Variants in EVA1C observed in about 807,000 individuals in gnomAD.
EVA1C encodes the protein eva-1 homolog C.
A neutral mutation model predicts 45.4 loss-of-function variants in EVA1C; 25 were observed. The ratio of observed to expected loss-of-function variants is 0.55; its 90% CI spans 0.40 to 0.77. The LOEUF (loss-of-function observed/expected upper bound fraction) is 0.77, where lower values mean the gene tolerates loss of function less well. Ranked by LOEUF, EVA1C falls within the 30% of genes least tolerant of loss-of-function variation. EVA1C has a pLI of 0.00. For missense variants in EVA1C, 479 were observed against 554.8 expected, an observed-to-expected ratio of 0.86 and a Z score of 1.37; for synonymous variants, 190 against 221.2, an observed-to-expected ratio of 0.86 and a Z score of 1.25.
chr21:32,475,849 C>T lies in EVA1C; in HGVS notation c.634+8001C>T, dbSNP rs115365927. 3.6e-3 allele frequency among the ~76,000 whole-genome samples: 544 copies of T among 152,068 alleles called. 8 individuals carry two copies. The highest frequency in any genetic ancestry group is 0.012 in the African/African-American group (516 of 41,484). On this transcript the variant is annotated intron_variant, in intron 4 of 7. Transcript: ENST00000300255. Reference sequence around the variant, plus strand: ...CCAAAAGATGGCATGAGTATGTTTACAGTTCTTCACAGAGTTCTTTCTAAA... The same window carrying T: ...CCAAAAGATGGCATGAGTATGTTTATAGTTCTTCACAGAGTTCTTTCTAAA...
intron 5 of EVA1C, 147 bp downstream of exon 5, chr21:32,495,317 C>T (rs977525091): frequency 2.9e-6 from 2 of 701,242 alleles, no homozygotes. Flanking sequence ...CCCGAGAGCC[C>T]TTTTTTTCTT....
At chr21:32,455,780 G>A (rs936689304) in intron 2 of EVA1C, among the ~76,000 whole-genome samples, 1 of 152,214 alleles carries the variant, frequency 6.6e-6, no homozygotes, top group African/African-American at 2.4e-5. Flanking sequence ...CAGGCCGACA[G>A]GTTAGCATTT....
chr21:32,442,451 A>G (rs112624011), intron 1 of EVA1C, among the ~76,000 whole-genome samples: 4 of 152,044 alleles, frequency 2.6e-5, no homozygotes, highest in African/African-American at 9.6e-5. Flanking sequence ...CCTTTCCTGT[A>G]CCCTCAGGAC....
intron 4 of EVA1C, among the ~76,000 whole-genome samples, chr21:32,491,355 G>A (rs2037147110): frequency 6.6e-6 from 1 of 151,970 alleles, no homozygotes; most frequent in Non-Finnish European, 1.5e-5. Context: ...TCAGATGGGG[G>A]GTTGGGGATC....
At chr21:32,489,947 G>A (rs189893467) in intron 4 of EVA1C, among the ~76,000 whole-genome samples, 78 of 152,180 alleles carry the variant, frequency 5.1e-4, no homozygotes, top group African/African-American at 1.5e-3. Context: ...GATTACAGGC[G>A]TGTGCCACCG....
At chr21:32,427,716 G>GA (rs910209280) in intron 1 of EVA1C, among the ~76,000 whole-genome samples, 54 of 139,084 alleles carry the variant, frequency 3.9e-4, no homozygotes, top group East Asian at 6.5e-4. Context: ...CATCTCAGGG[G>GA]AAAAAAAAAA....
chr21:32,472,342 A>G (rs1335398630), intron 4 of EVA1C, among the ~76,000 whole-genome samples: 5 of 152,080 alleles, frequency 3.3e-5, no homozygotes, highest in Non-Finnish European at 7.3e-5. Flanking sequence ...TATTTTTAGT[A>G]GAGATGGGGT....
At chr21:32,453,952 TGG>T (rs911606403) in intron 2 of EVA1C, among the ~76,000 whole-genome samples, 1 of 152,172 alleles carries the variant, frequency 6.6e-6, no homozygotes, top group African/African-American at 2.4e-5. Context: ...CTCAAAGGGC[TGG>T]GCGCGGTGGC....
chr21:32,414,851 A>T (rs2033974092), intron 1 of EVA1C, among the ~76,000 whole-genome samples: 1 of 152,192 alleles, frequency 6.6e-6, no homozygotes, highest in Non-Finnish European at 1.5e-5. Context: ...AGATCTGAAG[A>T]TTAGGCAGAA....
chr21:32,486,904 ATTAT>A (rs945018054), intron 4 of EVA1C, among the ~76,000 whole-genome samples: 1 of 152,168 alleles, frequency 6.6e-6, no homozygotes, highest in Non-Finnish European at 1.5e-5. Flanking sequence ...AAATAACTGT[ATTAT>A]TTAGTTTTTT....
chr21:32,436,493 G>A (rs2034957193), intron 1 of EVA1C, among the ~76,000 whole-genome samples: 1 of 152,294 alleles, frequency 6.6e-6, no homozygotes, highest in Non-Finnish European at 1.5e-5. Context: ...CTTCTCCTAT[G>A]TCATCATTTC....
chr21:32,455,545 C>CA (rs1244464701), intron 2 of EVA1C, among the ~76,000 whole-genome samples: 1 of 152,150 alleles, frequency 6.6e-6, no homozygotes, highest in East Asian at 1.9e-4. Context: ...GACCCACCCC[C>CA]ATTTCTCAGC....
intron 1 of EVA1C, among the ~76,000 whole-genome samples, chr21:32,449,521 C>A (rs891404966): frequency 2.0e-5 from 3 of 152,170 alleles, no homozygotes; most frequent in Non-Finnish European, 4.4e-5. Flanking sequence ...TTTAAGGTTT[C>A]TCCATGTCTT....
chr21:32,438,478 C>A, intron 1 of EVA1C, among the ~76,000 whole-genome samples: 1 of 108,394 alleles, frequency 9.2e-6, no homozygotes. Context: ...CAGAGTGAGA[C>A]TCTGTCTCAA....
At chr21:32,420,977 G>C (rs1195518459) in intron 1 of EVA1C, among the ~76,000 whole-genome samples, 1 of 152,140 alleles carries the variant, frequency 6.6e-6, no homozygotes, top group Non-Finnish European at 1.5e-5. Flanking sequence ...TCTTTCCCAG[G>C]ACTTACATAA....
At chr21:32,434,884 T>C (rs2034875916) in intron 1 of EVA1C, among the ~76,000 whole-genome samples, 1 of 152,416 alleles carries the variant, frequency 6.6e-6, no homozygotes, top group East Asian at 1.9e-4. Context: ...TGTGGTACCT[T>C]GTTATAGCAG....
chr21:32,495,585 A>T (rs1018584630), intron 5 of EVA1C, among the ~76,000 whole-genome samples: 1 of 152,172 alleles, frequency 6.6e-6, no homozygotes, highest in Non-Finnish European at 1.5e-5. Flanking sequence ...GCCCTAAATG[A>T]CTAACTCTCT....
intron 1 of EVA1C, among the ~76,000 whole-genome samples, chr21:32,443,403 G>A (rs990874189): frequency 6.6e-6 from 1 of 152,122 alleles, no homozygotes; most frequent in African/African-American, 2.4e-5. Flanking sequence ...AGGCTTTGTG[G>A]CAAGGACCTG....
chr21:32,495,125 T>C lies in EVA1C; in HGVS notation c.733T>C (p.Cys245Arg). The stretch of plus-strand genomic sequence containing the variant: ...CAACAATCACCATTTTGGAAGCCCC[T>C]GTTTGCCAGGCGTGAAAAAATACCT... The part of the protein sequence containing the change: ...IVNNHHFGSP[C>R]LPGVKKYLTV... Residue 245 changes from cysteine (C) to arginine (R), a missense_variant, in exon 5 of 8, where the codon TGT becomes CGT. Physicochemically the swap from Cys to Arg is radical, Grantham distance 180. Around this residue, in one of 3 missense-constraint regions of EVA1C, gnomAD observed 366 missense variants for 426.1 expected, o/e 0.86. Coordinates refer to ENST00000300255, the MANE Select transcript of EVA1C (RefSeq NM_058187.5). 1 of 1,614,102 alleles carries C rather than the reference T, an allele frequency of 6.2e-7. No individual in the cohort carries two copies. Among genetic ancestry groups the C allele is most frequent in the Non-Finnish European group, 8.5e-7 (1 of 1,180,010 alleles).
Sources: gnomAD v4.1 joint callset for allele counts (sites outside exome capture counted in the v4.1 genomes callset) on GRCh38, gnomAD v4.1.1 for gene constraint, gnomAD v4.1.1 regional missense constraint, MANE v1.5 for transcripts, NCBI Gene and HGNC (gene_info 2026-07-23, HGNC 2026-07-21) for gene names.